Variants in PCYT1A observed in about 807,000 individuals in gnomAD.
PCYT1A encodes choline-phosphate cytidylyltransferase A.
A neutral mutation model predicts 43.7 loss-of-function variants in PCYT1A; 25 were observed. That is an observed-to-expected ratio of 0.57 (90% CI 0.42 to 0.80). The LOEUF (loss-of-function observed/expected upper bound fraction) is 0.80. Ranked by LOEUF, PCYT1A falls within the 30% of genes least tolerant of loss-of-function variation. PCYT1A has a pLI of 0.00. For synonymous variants in PCYT1A, 172 were observed against 170.7 expected, an observed-to-expected ratio of 1.01 and a Z score of -0.06; for missense variants, 421 against 474.2, an observed-to-expected ratio of 0.89 and a Z score of 1.04.
chr3:196,286,558 A>C (rs1166230890), intron 1 of PCYT1A, among the ~76,000 whole-genome samples: 1 of 152,226 alleles, frequency 6.6e-6, no homozygotes, highest in Non-Finnish European at 1.5e-5. Flanking sequence ...ACATGAAACA[A>C]TACTTACCCT....
rs1724117304 is a variant in PCYT1A at position 196,234,761 on chromosome 3, T to C, written c.*3927A>G. On this transcript the variant is annotated 3_prime_UTR_variant, in exon 9 of 9. Coordinates refer to ENST00000431016, the MANE Select transcript of PCYT1A (RefSeq NM_001312673.2). The stretch of plus-strand genomic sequence containing the variant: ...CTTGGCAGACAACAATCTTTCTTCT[T>C]CAAGAAAATTAACATTTAATGGTAT... 1 of 152,210 alleles carries C rather than the reference T, an allele frequency of 6.6e-6. No homozygotes were observed. Among genetic ancestry groups the C allele is most frequent in the Admixed American group, 6.5e-5 (1 of 15,282 alleles). The allele number at this position is 152,210 out of a possible 1,614,324, so 9.4% of individuals were successfully genotyped here.
rs1032284746 is a variant in PCYT1A at position 196,273,895 on chromosome 3, C to T, written c.-10-3354G>A. On this transcript the variant is annotated intron_variant, in intron 1 of 8. Coordinates refer to ENST00000431016, the MANE Select transcript of PCYT1A (RefSeq NM_001312673.2). The surrounding 1 kb of genome is among the most constrained non-coding windows in gnomAD (Gnocchi z 4.1). ...GGACCCGCCCATTTCCGCCTAGGAG[C>T]CTGTCTGCCTCCTGCTGTCATCAAC... Among the ~76,000 whole-genome samples the T allele has an allele frequency of 6.6e-6, 1 of 152,220 alleles. No homozygotes were observed. Among genetic ancestry groups the T allele is most frequent in the Non-Finnish European group, 1.5e-5 (1 of 68,032 alleles).
Position 196,238,548 on chromosome 3 carries a change from G to A in PCYT1A, c.*140C>T, listed in dbSNP as rs1036904580. The stretch of plus-strand genomic sequence containing the variant: ...AGGACAGGCTGTTTGGGTTCCCCCA[G>A]TCCTAGGTCTTCTTTCCCCAGTTGT... On this transcript the variant is annotated 3_prime_UTR_variant, in exon 9 of 9. Coordinates refer to ENST00000431016, the MANE Select transcript of PCYT1A (RefSeq NM_001312673.2). 1.7e-6 allele frequency: 1 copy of A among 596,148 alleles called. No homozygotes were observed. Among genetic ancestry groups the A allele is most frequent in the Non-Finnish European group, 2.8e-6 (1 of 352,320 alleles). 36.9% of individuals were successfully genotyped at this position (596,148 alleles called of 1,614,324 possible).
intron 3 of PCYT1A, among the ~76,000 whole-genome samples, chr3:196,255,802 C>A (rs921137811): frequency 1.3e-5 from 2 of 152,112 alleles, no homozygotes; most frequent in African/African-American, 4.8e-5. Flanking sequence ...ATAATGCAAC[C>A]CATCAGATCA....
chr3:196,273,926 G>C lies in PCYT1A; in HGVS notation c.-10-3385C>G, dbSNP rs2108779392. On this transcript the variant is annotated intron_variant, in intron 1 of 8. Coordinates refer to ENST00000431016, the MANE Select transcript of PCYT1A (RefSeq NM_001312673.2). The surrounding 1 kb of genome is among the most constrained non-coding windows in gnomAD (Gnocchi z 4.1). ...TGCCTCCTGCTGTCATCAACCTGCT[G>C]TCCACAGCGCCCAGGCTATTCACGA... Among the ~76,000 whole-genome samples, 1 of 152,352 alleles carries C rather than the reference G, an allele frequency of 6.6e-6. No individual in the cohort carries two copies. Among genetic ancestry groups the C allele is most frequent in the Admixed American group, 6.5e-5 (1 of 15,302 alleles).
At chr3:196,254,967 GACCTTCTTGTCTCTCAAATCAT>G (rs1308165786) in intron 3 of PCYT1A, among the ~76,000 whole-genome samples, 1 of 151,828 alleles carries the variant, frequency 6.6e-6, no homozygotes, top group East Asian at 1.9e-4. Flanking sequence ...TCCTAGAGCT[GACCTTCTTGTCTCTCAAATCAT>G]ATTTGTTTTT....
At chr3:196,260,234 T>C (rs1725070700) in intron 2 of PCYT1A, among the ~76,000 whole-genome samples, 1 of 152,032 alleles carries the variant, frequency 6.6e-6, no homozygotes, top group South Asian at 2.1e-4. Context: ...AGACATTCAT[T>C]TTTAGATGTG....
chr3:196,263,901 G>A (rs931154839), intron 2 of PCYT1A, among the ~76,000 whole-genome samples: 1 of 152,088 alleles, frequency 6.6e-6, no homozygotes, highest in Middle Eastern at 3.2e-3. Flanking sequence ...CAAAGTGTTG[G>A]GATTACGGGC....
At position 196,235,997 on chromosome 3, in the gene PCYT1A, C is replaced by T. The variant is rs1040159626; in HGVS notation, c.*2691G>A. The T allele has an allele frequency of 3.3e-5, 5 of 152,170 alleles. No homozygotes were observed. The highest frequency in any genetic ancestry group is 1.3e-4 in the Admixed American group (2 of 15,282). The allele number at this position is 152,170 out of a possible 1,614,324, so 9.4% of individuals were successfully genotyped here. A position where few individuals can be genotyped will look rare whatever the true frequency, so the allele number is the denominator to read the frequency against. ...TCAGACAAATAGCTTTCAGTCAAAACGATTAGACTGAGGTGGTAGAAGCTC... is the reference window on the plus strand; with the variant it reads ...TCAGACAAATAGCTTTCAGTCAAAATGATTAGACTGAGGTGGTAGAAGCTC... On this transcript the variant is annotated 3_prime_UTR_variant, in exon 9 of 9. Transcript: ENST00000431016. This position sits in a 1 kb window ranked among gnomAD's most constrained non-coding sequence, Gnocchi z 4.3.
chr3:196,250,133 G>A (rs1376195234), intron 3 of PCYT1A, among the ~76,000 whole-genome samples: 1 of 124,298 alleles, frequency 8.0e-6, no homozygotes. Context: ...TGAGGACCAG[G>A]TACACCATGC....
intron 2 of PCYT1A, among the ~76,000 whole-genome samples, chr3:196,260,469 G>A (rs1242973551): frequency 1.3e-5 from 2 of 152,058 alleles, no homozygotes; most frequent in African/African-American, 2.4e-5. Flanking sequence ...TCTTCAAAAT[G>A]TTAAACATAG....
rs1193388611 is a variant in PCYT1A at position 196,247,254 on chromosome 3, C to T, written c.486+113G>A. ...TCACTGTCATCTCCTACGAAACTTA[C>T]ATAAGAGGTAGAAGTAAAACACGGC... On this transcript the variant is annotated intron_variant, in intron 5 of 8. Transcript: ENST00000431016. This position sits in a 1 kb window ranked among gnomAD's most constrained non-coding sequence, Gnocchi z 4.8. The T allele has an allele frequency of 9.3e-7, 1 of 1,070,682 alleles. No homozygotes were observed. The highest frequency in any genetic ancestry group is 1.6e-5 in the African/African-American group (1 of 64,166). 66.3% of individuals were successfully genotyped at this position (1,070,682 alleles called of 1,614,324 possible). A position where few individuals can be genotyped will look rare whatever the true frequency, so the allele number is the denominator to read the frequency against.
Position 196,270,475 on chromosome 3 carries a change from G to C in PCYT1A, c.57C>G (p.Pro19=). Residue 19 remains proline (P), a synonymous_variant, in exon 2 of 9, where the codon CCC becomes CCG. Coordinates refer to ENST00000431016, the MANE Select transcript of PCYT1A (RefSeq NM_001312673.2). The part of the protein sequence containing the change: ...VNARKRRKEA[P]GPNGATEEDG... Reference sequence around the variant, plus strand: ...CTTCTTCTGTTGCCCCGTTGGGTCCGGGCGCCTCTTTTCTCCTCTTCCTTG... The same window carrying C: ...CTTCTTCTGTTGCCCCGTTGGGTCCCGGCGCCTCTTTTCTCCTCTTCCTTG... 1 of 1,614,088 alleles carries C rather than the reference G, an allele frequency of 6.2e-7. No homozygotes were observed.
intron 5 of PCYT1A, among the ~76,000 whole-genome samples, chr3:196,246,174 A>G (rs1274452393): frequency 3.3e-5 from 5 of 152,184 alleles, no homozygotes; most frequent in African/African-American, 1.2e-4. Context: ...CTAATCCTCA[A>G]TAGTTTTAAT....
Position 196,270,425 on chromosome 3 carries a change from C to T in PCYT1A, c.107G>A (p.Arg36His), listed in dbSNP as rs772948955. Residue 36 changes from arginine to histidine, a missense_variant, in exon 2 of 9, where the codon CGC (arginine) becomes CAC (histidine). Physicochemically the swap from Arg to His is conservative, Grantham distance 29. Transcript: ENST00000431016. ...TTAATCTCCACTTACCACTGCACAGCGCTGCACTTTGGAAGGAACCCCATC... is the reference window on the plus strand; with the variant it reads ...TTAATCTCCACTTACCACTGCACAGTGCTGCACTTTGGAAGGAACCCCATC... Reference protein sequence around the residue: ...EEDGVPSKVQRCAVGLRQPAP... With the variant: ...EEDGVPSKVQHCAVGLRQPAP... 4.0e-5 allele frequency: 64 copies of T among 1,610,682 alleles called. No individual in the cohort carries two copies. The highest frequency in any genetic ancestry group is 4.8e-5 in the Non-Finnish European group (56 of 1,176,986).
chr3:196,278,801 G>A (rs1393733265), intron 1 of PCYT1A, among the ~76,000 whole-genome samples: 3 of 151,926 alleles, frequency 2.0e-5, no homozygotes, highest in Admixed American at 6.6e-5. Flanking sequence ...CCAACATGGC[G>A]AAACCCCATC....
At chr3:196,253,627 G>A (rs1316252715) in intron 3 of PCYT1A, among the ~76,000 whole-genome samples, 2 of 152,188 alleles carry the variant, frequency 1.3e-5, no homozygotes, top group African/African-American at 4.8e-5. Context: ...GTTAGGCCAA[G>A]TAGATCACTG....
Position 196,239,596 on chromosome 3 carries a change from C to G in PCYT1A, c.848G>C (p.Arg283Pro). 6.2e-7 allele frequency: 1 copy of G among 1,613,322 alleles called. No homozygotes were observed. Among genetic ancestry groups the G allele is most frequent in the Non-Finnish European group, 8.5e-7 (1 of 1,179,252 alleles). ...TTCCAGAAAACTTCCAATGAATTCT[C>G]GGGACTTCTCCTCCCACTTCTGAAT... Reference protein sequence around the residue: ...DLIQKWEEKSREFIGSFLEMF... With the variant: ...DLIQKWEEKSPEFIGSFLEMF... The change falls in exon 8 of 9, where the codon CGA becomes CCA. Residue 283 changes from arginine to proline, a missense_variant. By Grantham distance (103) the Arg-to-Pro change is moderately radical (BLOSUM62 -2). Around this residue, in one of 3 missense-constraint regions of PCYT1A, gnomAD observed 174 missense variants for 270.7 expected, o/e 0.64. Transcript: ENST00000431016.
chr3:196,257,786 A>G lies in PCYT1A; in HGVS notation c.217+2T>C. Reference sequence around the variant, plus strand: ...CAACAAATTAAGAAGGTATTTACTTACAAGGAGTTCCTCTGCTGGCTTCTT... The same window carrying G: ...CAACAAATTAAGAAGGTATTTACTTGCAAGGAGTTCCTCTGCTGGCTTCTT... On this transcript the variant is annotated splice_donor_variant, in intron 3 of 8. Transcript: ENST00000431016. LOFTEE classifies it high-confidence loss of function. 6.4e-7 allele frequency: 1 copy of G among 1,550,572 alleles called. No individual in the cohort carries two copies. The highest frequency in any genetic ancestry group is 8.9e-7 in the Non-Finnish European group (1 of 1,122,688).
Sources: gnomAD v4.1 joint callset for allele counts (sites outside exome capture counted in the v4.1 genomes callset) on GRCh38, gnomAD v4.1.1 for gene constraint, gnomAD v4.1.1 regional missense constraint, Gnocchi (gnomAD v3.1) non-coding constraint, MANE v1.5 for transcripts, NCBI Gene and HGNC (gene_info 2026-07-23, HGNC 2026-07-21) for gene names.